Variants in ING5 observed in about 807,000 individuals in gnomAD.
The protein encoded by ING5 is inhibitor of growth protein 5.
Under a neutral mutation model 37.4 loss-of-function variants are expected in ING5, and 17 were observed. The observed-to-expected ratio is 0.45, with a 90% CI of 0.31 to 0.68. The LOEUF (loss-of-function observed/expected upper bound fraction) is 0.68. ING5 is among the 30% of genes least tolerant of loss of function. The pLI, the probability that ING5 is intolerant of heterozygous loss-of-function variation, is 0.05. For missense variants in ING5, 233 were observed against 311.9 expected (o/e 0.75, Z 1.91); for synonymous variants, 123 against 116.6 (o/e 1.06, Z -0.36).
chr2:241,696,630 A>T (rs977570196), intron 2 of ING5, among the ~76,000 whole-genome samples: 6 of 152,058 alleles, frequency 3.9e-5, no homozygotes, highest in Admixed American at 2.6e-4. Flanking sequence ...CAGAAAAAAA[A>T]TTAAAAATTA....
intron 7 of ING5, chr2:241,724,009 C>A: frequency 7.4e-7 from 1 of 1,359,300 alleles, no homozygotes; most frequent in South Asian, 1.6e-5. Context: ...GACCCTGTCT[C>A]AAATAAATAA....
Position 241,712,956 on chromosome 2 carries a change from G to A in ING5, c.482+885G>A, listed in dbSNP as rs187270461. On this transcript the variant is annotated intron_variant, in intron 5 of 7. Coordinates refer to ENST00000313552, the MANE Select transcript of ING5 (RefSeq NM_032329.6). ...GCTGGGAGGATCATGAGCCACGATC[G>A]CACCACTACATTCCAGCCTGGGCCA... Among the ~76,000 whole-genome samples the A allele has an allele frequency of 2.2e-4, 33 of 148,266 alleles. No homozygotes were observed. The East Asian group carries it at 4.4e-3, about 20-fold the overall frequency.
Position 241,702,101 on chromosome 2 carries a change from C to A in ING5, c.36C>A (p.Asp12Glu). 7.4e-7 allele frequency: 1 copy of A among 1,347,890 alleles called. No homozygotes were observed. Among genetic ancestry groups the A allele is most frequent in the Non-Finnish European group, 9.6e-7 (1 of 1,041,788 alleles). The allele number at this position is 1,347,890 out of a possible 1,614,324, so 83.5% of individuals were successfully genotyped here. A position where few individuals can be genotyped will look rare whatever the true frequency, so the allele number is the denominator to read the frequency against. Residue 12 changes from aspartate (D) to glutamate (E), a missense_variant and splice_region_variant, in exon 1 of 8, where the codon GAC becomes GAA. Physicochemically the swap from Asp to Glu is conservative, Grantham distance 45 (BLOSUM62 2). Transcript: ENST00000313552. Reference sequence around the variant, plus strand: ...CCATGTACTTGGAGCACTATCTGGACAGTAAGCGCGCCCCACGGGCCCCGC... The same window carrying A: ...CCATGTACTTGGAGCACTATCTGGAAAGTAAGCGCGCCCCACGGGCCCCGC... ...ATAMYLEHYL[D>E]SIENLPCELQ...
upstream of ING5, among the ~76,000 whole-genome samples, chr2:241,700,071 G>A (rs535603179): frequency 7.0e-6 from 1 of 143,694 alleles, no homozygotes; most frequent in African/African-American, 2.6e-5. Context: ...CAACCTCCAC[G>A]TACCAGGTTC....
chr2:241,706,625 CAA>C (rs770869002), intron 2 of ING5, among the ~76,000 whole-genome samples: 53 of 109,310 alleles, frequency 4.8e-4, no homozygotes, highest in East Asian at 1.1e-3. Context: ...AACTCCATCT[CAA>C]AAAAAAAAAA....
rs1691604546 is a variant in ING5 at position 241,725,917 on chromosome 2, C to T, written c.*886C>T. 1 of 152,602 alleles carries T rather than the reference C, an allele frequency of 6.6e-6. No homozygotes were observed. Among genetic ancestry groups the T allele is most frequent in the African/African-American group, 2.4e-5 (1 of 41,418 alleles). The allele number at this position is 152,602 out of a possible 1,614,324, so 9.5% of individuals were successfully genotyped here. Reference sequence around the variant, plus strand: ...GCTGTGCATTCCCAGGCCCGCAGCTCCCGGTCGAGGGGACTCCGATGTGAA... The same window carrying T: ...GCTGTGCATTCCCAGGCCCGCAGCTTCCGGTCGAGGGGACTCCGATGTGAA... On this transcript the variant is annotated 3_prime_UTR_variant, in exon 8 of 8. Transcript: ENST00000313552.
At chr2:241,705,400 T>TTC (rs2069877770) in intron 2 of ING5, among the ~76,000 whole-genome samples, 1 of 138,880 alleles carries the variant, frequency 7.2e-6, no homozygotes, top group Non-Finnish European at 1.6e-5. Flanking sequence ...TTTTCTTTTT[T>TTC]TTTTTTTTTT....
At chr2:241,719,406 T>G in intron 5 of ING5, 1 of 697,110 alleles carries the variant, frequency 1.4e-6, no homozygotes, top group Non-Finnish European at 2.4e-6. Flanking sequence ...CATCTAGCTC[T>G]TGTTGCTCCA....
intron 5 of ING5, chr2:241,720,139 C>T (rs34766121): frequency 0.22 from 277,619 of 1,237,088 alleles, 32,897 homozygotes; most frequent in Non-Finnish European, 0.24. Context: ...GTCGGTTGGA[C>T]CCAAAGCCTG....
chr2:241,693,719 G>A (rs1315230196), intron 2 of ING5, among the ~76,000 whole-genome samples: 5 of 142,450 alleles, frequency 3.5e-5, no homozygotes, highest in South Asian at 2.3e-4. Flanking sequence ...GTGCAATGGC[G>A]CAGTCTCGGC....
intron 5 of ING5, chr2:241,720,250 G>A (rs902777403): frequency 2.9e-5 from 36 of 1,231,038 alleles, no homozygotes; most frequent in South Asian, 8.5e-5. Context: ...TCTGTGGTGC[G>A]CGTCCCTGAC....
intron 2 of ING5, among the ~76,000 whole-genome samples, chr2:241,696,505 G>A (rs2069632192): frequency 1.3e-5 from 2 of 152,164 alleles, no homozygotes; most frequent in South Asian, 4.1e-4. Flanking sequence ...GGGCAAAAGT[G>A]CTGGGTGCGG....
intron 2 of ING5, among the ~76,000 whole-genome samples, chr2:241,692,751 C>T (rs1472424282): frequency 1.3e-5 from 2 of 152,080 alleles, no homozygotes; most frequent in Non-Finnish European, 2.9e-5. Flanking sequence ...CCCCATTTTC[C>T]AGCCCCTCAC....
intron 7 of ING5, among the ~76,000 whole-genome samples, 193 bp downstream of exon 7, chr2:241,723,464 C>G (rs1183451624): frequency 1.3e-5 from 2 of 152,206 alleles, no homozygotes; most frequent in Non-Finnish European, 2.9e-5. Flanking sequence ...CTTTATCCCC[C>G]CTTTGCTGCT....
intron 2 of ING5, among the ~76,000 whole-genome samples, chr2:241,695,975 A>G (rs374221231): frequency 8.6e-5 from 13 of 151,924 alleles, no homozygotes; most frequent in South Asian, 4.1e-4. Context: ...GCTTATACCT[A>G]TAGTCCCAGC....
At chr2:241,712,427 TAG>T (rs1212847940) in intron 5 of ING5, 1 of 209,900 alleles carries the variant, frequency 4.8e-6, no homozygotes, top group Non-Finnish European at 9.6e-6. Context: ...GAGGCCAATG[TAG>T]ACCACTCTTT....
At chr2:241,710,032 T>C (rs752785781) in intron 3 of ING5, among the ~76,000 whole-genome samples, 86 of 152,052 alleles carry the variant, frequency 5.7e-4, no homozygotes, top group Non-Finnish European at 1.9e-4. Flanking sequence ...AACCTCCACC[T>C]CCTGGGTTTA....
At position 241,711,841 on chromosome 2, in the gene ING5, C is replaced by T. The variant is rs192929038; in HGVS notation, c.389-137C>T. 5.5e-3 allele frequency: 4,252 copies of T among 768,208 alleles called. 78 individuals carry two copies. Among genetic ancestry groups the T allele is most frequent in the Non-Finnish European group, 3.1e-3 (1,467 of 478,338 alleles). The allele number at this position is 768,208 out of a possible 1,614,324, so 47.6% of individuals were successfully genotyped here. On this transcript the variant is annotated intron_variant, in intron 4 of 7. Transcript: ENST00000313552. ...GCTTGAGCCCGGGAGGTCAAGGCTG[C>T]GGTGAGCTATGATTGCTCCGCTGCA... is the stretch of plus-strand genomic sequence containing the variant.
chr2:241,699,446 C>T (rs1277204289), upstream of ING5, among the ~76,000 whole-genome samples: 1 of 152,028 alleles, frequency 6.6e-6, no homozygotes, highest in Non-Finnish European at 1.5e-5. Flanking sequence ...TGGGGGTCTC[C>T]GTCACCCAGG....
Sources: allele counts gnomAD v4.1 joint callset (sites outside exome capture counted in the v4.1 genomes callset), GRCh38; gene constraint gnomAD v4.1.1; transcripts MANE v1.5; gene names NCBI Gene and HGNC (gene_info 2026-07-23, HGNC 2026-07-21).